PCDHA2: variants seen among roughly 807,000 people sequenced by gnomAD.
PCDHA2 encodes the protein protocadherin alpha-2.
In PCDHA2, 58 loss-of-function variants were observed where a neutral mutation model predicts 66.0. The ratio of observed to expected loss-of-function variants is 0.88; its 90% CI spans 0.71 to 1.09. The LOEUF (loss-of-function observed/expected upper bound fraction) is 1.09. PCDHA2 is among the 50% of genes least tolerant of loss of function. PCDHA2 has a pLI of 0.00. For synonymous variants in PCDHA2, 634 were observed against 554.0 expected, an observed-to-expected ratio of 1.14 and a Z score of -2.03; for missense variants, 1,267 against 1,242.3, an observed-to-expected ratio of 1.02 and a Z score of -0.30.
chr5:140,885,925 T>A lies in PCDHA2; in HGVS notation c.2388+88573T>A, dbSNP rs1431219397. The stretch of plus-strand genomic sequence containing the variant: ...CTGTACCTTATAGATATTAACTGTT[T>A]ATCTATTTTTTGACATTTTTAATTA... On this transcript the variant is annotated intron_variant, in intron 1 of 3. Coordinates refer to ENST00000526136, the MANE Select transcript of PCDHA2 (RefSeq NM_018905.3). 2.0e-5 allele frequency among the ~76,000 whole-genome samples: 3 copies of A among 151,896 alleles called. No homozygotes were observed. In the East Asian group the frequency reaches 5.8e-4, roughly 29 times the overall value.
chr5:140,842,561 G>T (rs2150339210), intron 1 of PCDHA2: 1 of 1,492,420 alleles, frequency 6.7e-7, no homozygotes, highest in South Asian at 1.2e-5. Flanking sequence ...CAGCGCCCTG[G>T]ACCGCGAGAG....
chr5:140,902,703 T>C (rs1451324920), intron 1 of PCDHA2, among the ~76,000 whole-genome samples: 1 of 152,166 alleles, frequency 6.6e-6, no homozygotes, highest in African/African-American at 2.4e-5. Flanking sequence ...GTCTTTTATC[T>C]TTCACTCCCC....
intron 1 of PCDHA2, among the ~76,000 whole-genome samples, chr5:140,839,661 T>C (rs1554137540): frequency 1.3e-5 from 2 of 152,120 alleles, no homozygotes; most frequent in African/African-American, 4.8e-5. Context: ...TGTTTGCTAC[T>C]ATTTAGAGTC....
chr5:140,958,295 C>A (rs1405336220), intron 1 of PCDHA2, among the ~76,000 whole-genome samples: 1 of 151,884 alleles, frequency 6.6e-6, no homozygotes, highest in African/African-American at 2.4e-5. Context: ...TATTATTGAA[C>A]TTAATTAAAA....
At chr5:140,905,021 G>A (rs1443702216) in intron 1 of PCDHA2, among the ~76,000 whole-genome samples, 1 of 152,078 alleles carries the variant, frequency 6.6e-6, no homozygotes, top group African/African-American at 2.4e-5. Flanking sequence ...TCTTTTCTAT[G>A]CAGAAGCTTT....
chr5:140,868,901 C>T lies in PCDHA2; in HGVS notation c.2388+71549C>T, dbSNP rs1408967625. 6 of 828,816 alleles carry T rather than the reference C, an allele frequency of 7.2e-6. No homozygotes were observed. In the African/African-American group the frequency reaches 1.0e-4, roughly 14 times the overall value. The allele number at this position is 828,816 out of a possible 1,614,324, so 51.3% of individuals were successfully genotyped here. ...TCACAGTTTTAGGCGCAAGGTGTCG[C>T]TCTTTACTTGGTGGAAAGTTCATTT... On this transcript the variant is annotated intron_variant, in intron 1 of 3. Transcript: ENST00000526136.
intron 1 of PCDHA2, among the ~76,000 whole-genome samples, chr5:140,840,932 A>G (rs1391347019): frequency 1.3e-5 from 2 of 152,030 alleles, no homozygotes; most frequent in African/African-American, 2.4e-5. Flanking sequence ...AATTGATACG[A>G]TATTTGAAAT....
At chr5:140,819,633 A>G (rs2150104769) in intron 1 of PCDHA2, among the ~76,000 whole-genome samples, 2 of 152,208 alleles carry the variant, frequency 1.3e-5, no homozygotes, top group South Asian at 4.1e-4. Context: ...TGGATAATCT[A>G]TAGTTACTGA....
intron 1 of PCDHA2, among the ~76,000 whole-genome samples, chr5:140,918,655 T>C (rs1248144760): frequency 6.6e-6 from 1 of 152,218 alleles, no homozygotes; most frequent in Non-Finnish European, 1.5e-5. Context: ...CTAATTCTCA[T>C]GTTGATGGTA....
At chr5:141,004,857 A>C (rs987029522) in intron 3 of PCDHA2, among the ~76,000 whole-genome samples, 2 of 152,150 alleles carry the variant, frequency 1.3e-5, no homozygotes, top group African/African-American at 4.8e-5. Context: ...TCAGAGAAAA[A>C]ATTTGTTTCT....
At position 140,850,002 on chromosome 5, in the gene PCDHA2, T is replaced by G. The variant is rs2150462762; in HGVS notation, c.2388+52650T>G. The G allele has an allele frequency of 2.8e-5, 45 of 1,596,824 alleles. No homozygotes were observed. In the South Asian group the frequency reaches 3.6e-4, roughly 13 times the overall value. The stretch of plus-strand genomic sequence containing the variant: ...GGTGGAGCGGCGGTTGGGCGAGCGC[T>G]CGCTGTCGAGCTACGTGTCAGTGCA... On this transcript the variant is annotated intron_variant, in intron 1 of 3. Coordinates refer to ENST00000526136, the MANE Select transcript of PCDHA2 (RefSeq NM_018905.3).
chr5:140,966,068 T>G (rs188069959), intron 1 of PCDHA2: 1 of 153,298 alleles, frequency 6.5e-6, no homozygotes. Context: ...CGCCTCCCCC[T>G]GCGTTGTTTC....
chr5:141,009,116 T>C (rs1382527068), intron 3 of PCDHA2, among the ~76,000 whole-genome samples: 1 of 152,236 alleles, frequency 6.6e-6, no homozygotes, highest in African/African-American at 2.4e-5. Flanking sequence ...TGAAACTAGA[T>C]TCTTGGTATC....
chr5:140,850,923 A>AT lies in PCDHA2; in HGVS notation c.2388+53579dup, dbSNP rs2150502772. On this transcript the variant is annotated intron_variant, in intron 1 of 3. Coordinates refer to ENST00000526136, the MANE Select transcript of PCDHA2 (RefSeq NM_018905.3). ...TTCTAGCATTTTATTTATTTATATA[A>AT]TTTTTTTTCTTGAAAGATATTATCG... 4.0e-5 allele frequency: 61 copies of AT among 1,521,758 alleles called. 2 individuals are homozygous for AT. Among genetic ancestry groups the AT allele is most frequent in the Middle Eastern group, 2.1e-4 (1 of 4,736 alleles). The allele number at this position is 1,521,758 out of a possible 1,614,324, so 94.3% of individuals were successfully genotyped here. A position where few individuals can be genotyped will look rare whatever the true frequency, so the allele number is the denominator to read the frequency against.
intron 1 of PCDHA2, among the ~76,000 whole-genome samples, chr5:140,845,069 G>A (rs1323503087): frequency 6.7e-6 from 1 of 149,464 alleles, no homozygotes; most frequent in Non-Finnish European, 1.5e-5. Context: ...CCTCAAAGCA[G>A]CATTGTTTTG....
chr5:140,866,295 G>T (rs561985862), intron 1 of PCDHA2: 17 of 152,252 alleles, frequency 1.1e-4, no homozygotes, highest in African/African-American at 3.4e-4. Flanking sequence ...GACAAGTATA[G>T]ATGTTGATAT....
At position 140,884,402 on chromosome 5, in the gene PCDHA2, G is replaced by T. The variant is rs782512270; in HGVS notation, c.2388+87050G>T. 2.6e-5 allele frequency: 42 copies of T among 1,613,886 alleles called. 1 individual carries two copies. The Middle Eastern group carries it at 1.3e-3, about 51-fold the overall frequency. The stretch of plus-strand genomic sequence containing the variant: ...CATCTGCGCGGTGTCCAGCCTGTTG[G>T]TGCTCACGTTGCTGCTGTATACTGC... On this transcript the variant is annotated intron_variant, in intron 1 of 3. Coordinates refer to ENST00000526136, the MANE Select transcript of PCDHA2 (RefSeq NM_018905.3).
chr5:140,892,250 T>G (rs781827855), intron 1 of PCDHA2, among the ~76,000 whole-genome samples: 2 of 152,182 alleles, frequency 1.3e-5, no homozygotes, highest in Non-Finnish European at 2.9e-5. Flanking sequence ...AACCTGGTTA[T>G]CTTTGATTTT....
At chr5:140,885,236 T>C (rs2060525853) in intron 1 of PCDHA2, among the ~76,000 whole-genome samples, 1 of 152,166 alleles carries the variant, frequency 6.6e-6, no homozygotes, top group Non-Finnish European at 1.5e-5. Context: ...CTGCTTTCAA[T>C]TTTTTATTTG....
Sources: allele counts gnomAD v4.1 joint callset (sites outside exome capture counted in the v4.1 genomes callset), GRCh38; gene constraint gnomAD v4.1.1; transcripts MANE v1.5; gene names NCBI Gene and HGNC (gene_info 2026-07-23, HGNC 2026-07-21).